Variants in RGS7 observed in about 807,000 individuals in gnomAD.
The protein encoded by RGS7 is regulator of G-protein signaling 7.
RGS7 carries 27 observed loss-of-function variants against 81.1 expected under a neutral mutation model. The ratio of observed to expected loss-of-function variants is 0.33; its 90% CI spans 0.25 to 0.46. The LOEUF is 0.46. Ranked by LOEUF, RGS7 falls within the 20% of genes least tolerant of loss-of-function variation. The pLI is 1.00. For synonymous variants in RGS7, 208 were observed against 207.7 expected (o/e 1.00, Z -0.01); for missense variants, 396 against 607.4 (o/e 0.65, Z 3.66).
chr1:240,953,507 T>C (rs1571963573), intron 4 of RGS7, among the ~76,000 whole-genome samples: 3 of 151,860 alleles, frequency 2.0e-5, no homozygotes, highest in African/African-American at 7.2e-5. Flanking sequence ...TCAAAGAAAA[T>C]GTCTAAAGAG....
chr1:240,892,189 A>G (rs1406299190), intron 6 of RGS7, among the ~76,000 whole-genome samples: 2 of 152,120 alleles, frequency 1.3e-5, no homozygotes, highest in Non-Finnish European at 2.9e-5. Context: ...TGTTTCTCTT[A>G]TGTACTTTGC....
chr1:241,121,969 G>C (rs2066299984), intron 2 of RGS7, among the ~76,000 whole-genome samples: 1 of 152,058 alleles, frequency 6.6e-6, no homozygotes, highest in Non-Finnish European at 1.5e-5. Context: ...CTCCCAAAAT[G>C]CTGGGATTAC....
rs115761811 is a variant in RGS7, at chr1:240,970,840, G to A, written c.226+12239C>T. ...TCTCTACTAAAATACAAAAATTAGC[G>A]TGGTGGTGTGCCCTTGTAATCCCAG... is the stretch of plus-strand genomic sequence containing the variant. On this transcript the variant is annotated intron_variant, in intron 4 of 18. Coordinates refer to ENST00000440928, the MANE Select transcript of RGS7 (RefSeq NM_001364886.1). Among the ~76,000 whole-genome samples the A allele has an allele frequency of 6.5e-3, 985 of 152,120 alleles. 13 individuals carry two copies. The highest frequency in any genetic ancestry group is 0.023 in the African/African-American group (936 of 41,514).
intron 2 of RGS7, among the ~76,000 whole-genome samples, chr1:241,315,086 C>CTT (rs1185938615): frequency 5.3e-5 from 3 of 56,692 alleles, no homozygotes; most frequent in Non-Finnish European, 7.3e-5. Context: ...ACAGTAGAAG[C>CTT]TTTTTTTTTT....
At chr1:240,870,415 C>G (rs567992109) in intron 6 of RGS7, among the ~76,000 whole-genome samples, 1 of 152,178 alleles carries the variant, frequency 6.6e-6, no homozygotes, top group African/African-American at 2.4e-5. Flanking sequence ...TCCTTGTTCA[C>G]TGCAGCCACA....
At chr1:241,187,459 G>GA (rs1394554388) in intron 2 of RGS7, among the ~76,000 whole-genome samples, 2 of 152,014 alleles carry the variant, frequency 1.3e-5, no homozygotes, top group Admixed American at 6.6e-5. Flanking sequence ...ACTTTTGGGA[G>GA]AAAAAATGAT....
intron 18 of RGS7, among the ~76,000 whole-genome samples, chr1:240,793,703 C>T (rs556542492): frequency 8.8e-4 from 131 of 149,350 alleles, no homozygotes; most frequent in African/African-American, 2.9e-3. Context: ...TCCACCTTCC[C>T]GGTTCACGCC....
chr1:240,815,753 T>C (rs1690697188), intron 11 of RGS7, among the ~76,000 whole-genome samples: 2 of 151,950 alleles, frequency 1.3e-5, no homozygotes, highest in Non-Finnish European at 2.9e-5. Flanking sequence ...GACACTGGAG[T>C]TTGCTTTGAA....
At chr1:241,167,204 T>C (rs1191252315) in intron 2 of RGS7, among the ~76,000 whole-genome samples, 1 of 152,212 alleles carries the variant, frequency 6.6e-6, no homozygotes, top group Non-Finnish European at 1.5e-5. Context: ...ATCTTCGGGC[T>C]TGCCTCCTTT....
intron 2 of RGS7, among the ~76,000 whole-genome samples, chr1:241,130,117 T>C (rs552201342): frequency 2.0e-5 from 3 of 152,282 alleles, no homozygotes; most frequent in African/African-American, 4.8e-5. Flanking sequence ...TGTGTCATTG[T>C]AGTTGGAGCT....
At chr1:241,189,578 C>T (rs1221913608) in intron 2 of RGS7, among the ~76,000 whole-genome samples, 1 of 152,182 alleles carries the variant, frequency 6.6e-6, no homozygotes, top group East Asian at 1.9e-4. Context: ...GGTATCAAGT[C>T]TTAGAGCTAT....
intron 3 of RGS7, among the ~76,000 whole-genome samples, chr1:241,078,046 A>T (rs2062904929): frequency 6.6e-6 from 1 of 150,924 alleles, no homozygotes; most frequent in Non-Finnish European, 1.5e-5. Context: ...ACGTAATATT[A>T]TATGTCATAT....
chr1:241,160,175 T>C (rs1333710635), intron 2 of RGS7, among the ~76,000 whole-genome samples: 4 of 151,378 alleles, frequency 2.6e-5, no homozygotes, highest in African/African-American at 7.3e-5. Flanking sequence ...CTGGAAATAT[T>C]TGGGGCTAAG....
At chr1:240,918,450 G>A (rs1672952688) in intron 6 of RGS7, among the ~76,000 whole-genome samples, 1 of 151,924 alleles carries the variant, frequency 6.6e-6, no homozygotes, top group South Asian at 2.1e-4. Flanking sequence ...AAAGAAGCTG[G>A]AAAATCTCAA....
chr1:240,963,799 ACT>A (rs2148483586), intron 4 of RGS7, among the ~76,000 whole-genome samples: 1 of 152,324 alleles, frequency 6.6e-6, no homozygotes, highest in Admixed American at 6.5e-5. Flanking sequence ...ATGGGAGAGA[ACT>A]GTGGTGAGTA....
chr1:241,025,477 A>C (rs1036990075), intron 3 of RGS7, among the ~76,000 whole-genome samples: 1 of 152,216 alleles, frequency 6.6e-6, no homozygotes, highest in African/African-American at 2.4e-5. Context: ...AGAGCTGAGA[A>C]GCTGAGATCT....
intron 6 of RGS7, among the ~76,000 whole-genome samples, chr1:240,875,839 G>T (rs983867918): frequency 1.3e-5 from 2 of 152,124 alleles, no homozygotes; most frequent in African/African-American, 4.8e-5. Context: ...GTCTTCTTTT[G>T]AAAAATGTCT....
intron 3 of RGS7, among the ~76,000 whole-genome samples, chr1:241,093,874 T>C (rs2064063083): frequency 6.6e-6 from 1 of 152,022 alleles, no homozygotes; most frequent in Non-Finnish European, 1.5e-5. Context: ...GTCCAATACA[T>C]GTGCTATGGG....
chr1:240,941,354 A>G (rs1181427547), intron 4 of RGS7, among the ~76,000 whole-genome samples: 1 of 152,208 alleles, frequency 6.6e-6, no homozygotes, highest in Admixed American at 6.5e-5. Flanking sequence ...TCTCCAGAAA[A>G]TATAGCTCCA....
Sources: allele counts gnomAD v4.1 joint callset (sites outside exome capture counted in the v4.1 genomes callset), GRCh38; gene constraint gnomAD v4.1.1; transcripts MANE v1.5; gene names NCBI Gene and HGNC (gene_info 2026-07-23, HGNC 2026-07-21).